The following GLI2 variants were observed in gnomAD, a reference collection of about 807,000 sequenced individuals.
GLI2 encodes the protein transcription activator GLI2.
GLI2 carries 22 observed loss-of-function variants against 78.9 expected under a neutral mutation model. That is an observed-to-expected ratio of 0.28 (90% CI 0.20 to 0.40). The LOEUF (loss-of-function observed/expected upper bound fraction) is 0.40. GLI2 is among the 10% of genes least tolerant of loss of function. The pLI, the probability that GLI2 is intolerant of heterozygous loss-of-function variation, is 1.00. For missense variants in GLI2, 2,097 were observed against 2,213.2 expected (o/e 0.95, Z 1.05); for synonymous variants, 974 against 963.7 (o/e 1.01, Z -0.20).
intron 2 of GLI2, among the ~76,000 whole-genome samples, chr2:120,799,192 A>G (rs1205225946): frequency 6.6e-6 from 1 of 152,176 alleles, no homozygotes; most frequent in Non-Finnish European, 1.5e-5. Flanking sequence ...AGTAGGGGCC[A>G]GGCAGGAGGC....
In GLI2 at chr2:120,902,786, T is replaced by G. The variant is rs527933024; in HGVS notation, c.149-24575T>G. Among the ~76,000 whole-genome samples the G allele has an allele frequency of 9.2e-5, 14 of 152,308 alleles. No individual in the cohort carries two copies. In the East Asian group the frequency reaches 2.7e-3, roughly 29 times the overall value. On this transcript the variant is annotated intron_variant, in intron 2 of 13. Coordinates refer to ENST00000361492, the MANE Select transcript of GLI2 (RefSeq NM_001374353.1). ...AGAGGTTGGAGTTCACCCTCAGCAA[T>G]CTACAGCATGCATGCATTTCAAAGG...
chr2:120,748,799 A>G (rs1381991585), intron 1 of GLI2, among the ~76,000 whole-genome samples: 3 of 152,114 alleles, frequency 2.0e-5, no homozygotes, highest in Non-Finnish European at 2.9e-5. Flanking sequence ...GCTCTCTACT[A>G]TGATCCCCAG....
Position 120,971,919 on chromosome 2 carries a change from T to C in GLI2, c.1060-22T>C, listed in dbSNP as rs114460642. The C allele has an allele frequency of 3.6e-3, 5,770 of 1,612,644 alleles. 143 individuals are homozygous for C. The African/African-American group carries it at 0.062, about 17-fold the overall frequency. On this transcript the variant is annotated intron_variant, in intron 7 of 13. Coordinates refer to ENST00000361492, the MANE Select transcript of GLI2 (RefSeq NM_001374353.1). ...CCTGCCCTGCCCCTGAGTAACAGAC[T>C]GTCCTCTGCACCCTTCCTCAGAACA...
At chr2:120,835,852 A>C (rs1292024676) in intron 2 of GLI2, among the ~76,000 whole-genome samples, 2 of 152,162 alleles carry the variant, frequency 1.3e-5, no homozygotes, top group Admixed American at 6.5e-5. Flanking sequence ...TTAATATTTT[A>C]ACCACACCAA....
chr2:120,978,369 C>T, intron 9 of GLI2, 65 bp from the exon 10 acceptor site: 1 of 1,592,070 alleles, frequency 6.3e-7, no homozygotes. Context: ...GGTCAGCTGA[C>T]AGCAGGGGGT....
In GLI2 at chr2:120,972,006, C is replaced by T. The variant is rs1553475192; in HGVS notation, c.1125C>T (p.Ser375=). The part of the protein sequence containing the change: ...TVNPVAIHKR[S]KVKTEPEGLR... ...ACCCTGTCGCCATTCACAAGCGCAG[C>T]AAGGTCAAGACCGAGCCTGAGGGCC... is the stretch of plus-strand genomic sequence containing the variant. Residue 375 remains serine, a synonymous_variant, in exon 8 of 14, where the codon AGC becomes AGT. Transcript: ENST00000361492. 1 of 1,613,590 alleles carries T rather than the reference C, an allele frequency of 6.2e-7. No homozygotes were observed. Among genetic ancestry groups the T allele is most frequent in the Non-Finnish European group, 8.5e-7 (1 of 1,179,880 alleles).
At chr2:120,909,975 C>G (rs1678734144) in intron 2 of GLI2, among the ~76,000 whole-genome samples, 1 of 152,210 alleles carries the variant, frequency 6.6e-6, no homozygotes, top group African/African-American at 2.4e-5. Flanking sequence ...CATAAGGGAC[C>G]GATGACTGAA....
At chr2:120,817,224 C>A (rs1685535552) in intron 2 of GLI2, among the ~76,000 whole-genome samples, 1 of 152,340 alleles carries the variant, frequency 6.6e-6, no homozygotes, top group Non-Finnish European at 1.5e-5. Context: ...CAGCCCTCAC[C>A]CGGAACCACA....
chr2:120,771,653 A>G (rs1683526754), intron 1 of GLI2, among the ~76,000 whole-genome samples: 1 of 152,232 alleles, frequency 6.6e-6, no homozygotes, highest in Non-Finnish European at 1.5e-5. Context: ...GAGCTGTCTT[A>G]GGGGGCCTTC....
chr2:120,943,769 C>T (rs569678000), intron 3 of GLI2, among the ~76,000 whole-genome samples: 58 of 152,318 alleles, frequency 3.8e-4, no homozygotes, highest in African/African-American at 1.4e-3. Context: ...ACTCCAACCC[C>T]CGAGTGGGAC....
At chr2:120,779,450 G>C (rs542088513) in intron 1 of GLI2, among the ~76,000 whole-genome samples, 19 of 152,350 alleles carry the variant, frequency 1.2e-4, no homozygotes, top group African/African-American at 4.1e-4. Flanking sequence ...TGTTGAGCAT[G>C]GTGGTGCATG....
chr2:120,900,869 G>A (rs975960734), intron 2 of GLI2, among the ~76,000 whole-genome samples: 2 of 152,106 alleles, frequency 1.3e-5, no homozygotes, highest in African/African-American at 2.4e-5. Context: ...TTCAGAATGC[G>A]GATCCATCAG....
intron 1 of GLI2, among the ~76,000 whole-genome samples, chr2:120,760,436 G>A (rs1683178862): frequency 6.6e-6 from 1 of 152,220 alleles, no homozygotes; most frequent in African/African-American, 2.4e-5. Context: ...AGGAAGTGGA[G>A]GCAGGGTGGA....
intron 2 of GLI2, among the ~76,000 whole-genome samples, chr2:120,912,739 T>A (rs1220203580): frequency 6.6e-6 from 1 of 152,152 alleles, no homozygotes; most frequent in Non-Finnish European, 1.5e-5. Context: ...GACCCTCTTA[T>A]TTGTCGAAGA....
chr2:120,855,182 G>T (rs1479625112), intron 2 of GLI2, among the ~76,000 whole-genome samples: 1 of 152,222 alleles, frequency 6.6e-6, no homozygotes, highest in African/African-American at 2.4e-5. Context: ...CAGGGAAGAG[G>T]CTACAGGAAG....
chr2:120,774,313 C>T (rs1283224312), intron 1 of GLI2, among the ~76,000 whole-genome samples: 2 of 152,168 alleles, frequency 1.3e-5, no homozygotes, highest in Admixed American at 6.5e-5. Flanking sequence ...ATGTAATTCG[C>T]GTACCATAAA....
intron 2 of GLI2, among the ~76,000 whole-genome samples, chr2:120,828,263 C>T (rs556007178): frequency 7.2e-5 from 11 of 152,316 alleles, no homozygotes; most frequent in African/African-American, 2.2e-4. Flanking sequence ...TCTGAGGAAA[C>T]GTTCGTTAGT....
chr2:120,836,253 C>A (rs1395759305), intron 2 of GLI2, among the ~76,000 whole-genome samples: 1 of 152,144 alleles, frequency 6.6e-6, no homozygotes, highest in Non-Finnish European at 1.5e-5. Flanking sequence ...TGGCATATTT[C>A]CCCGTTTTTA....
intron 2 of GLI2, among the ~76,000 whole-genome samples, chr2:120,815,693 G>A (rs998586207): frequency 1.3e-5 from 2 of 152,046 alleles, no homozygotes; most frequent in African/African-American, 4.8e-5. Context: ...CCCCATACCA[G>A]TTAGAGTCCG....
Sources: gnomAD v4.1 joint callset for allele counts (sites outside exome capture counted in the v4.1 genomes callset) on GRCh38, gnomAD v4.1.1 for gene constraint, MANE v1.5 for transcripts, NCBI Gene and HGNC (gene_info 2026-07-23, HGNC 2026-07-21) for gene names.